Variants in NRP1 observed in about 807,000 individuals in gnomAD.
The protein encoded by NRP1 is neuropilin 1.
In NRP1, 35 loss-of-function variants were observed where a neutral mutation model predicts 106.7. The observed-to-expected ratio is 0.33, with a 90% CI of 0.25 to 0.43. The LOEUF (loss-of-function observed/expected upper bound fraction) is 0.43. Ranked by LOEUF, NRP1 falls within the 20% of genes least tolerant of loss-of-function variation. The probability of loss-of-function intolerance (pLI) is 1.00; values close to 1 mark genes in which losing one functional copy is unlikely to be tolerated. For synonymous variants in NRP1, 437 were observed against 417.9 expected (o/e 1.05, Z -0.56); for missense variants, 1,024 against 1,170.4 (o/e 0.87, Z 1.83).
intron 9 of NRP1, among the ~76,000 whole-genome samples, chr10:33,209,121 G>C (rs556766094): frequency 1.3e-5 from 2 of 152,076 alleles, no homozygotes; most frequent in African/African-American, 2.4e-5. Flanking sequence ...TGGCCAGGCT[G>C]GTCTTGAACT....
chr10:33,182,722 G>T lies in NRP1; in HGVS notation c.2458C>A (p.Pro820Thr), dbSNP rs756401925. Residue 820 changes from proline to threonine, a missense_variant, in exon 16 of 17, where the codon CCA becomes ACA. Transcript: ENST00000374867. Reference sequence around the variant, plus strand: ...CCTGTTTCATCAATTTTAATTTCTGGGTTCTTTTTATCCAGGTCTGCTGGT... The same window carrying T: ...CCTGTTTCATCAATTTTAATTTCTGTGTTCTTTTTATCCAGGTCTGCTGGT... ...AKPADLDKKN[P>T]EIKIDETGST... is the part of the protein sequence containing the mutation. 3.7e-6 allele frequency: 6 copies of T among 1,612,562 alleles called. No homozygotes were observed. Among genetic ancestry groups the T allele is most frequent in the Non-Finnish European group, 4.2e-6 (5 of 1,179,574 alleles).
At position 33,180,152 on chromosome 10, in the gene NRP1, T is replaced by C. The variant is rs769226149; in HGVS notation, c.2696A>G (p.Tyr899Cys). The C allele has an allele frequency of 1.9e-5, 30 of 1,614,070 alleles. No homozygotes were observed. Among genetic ancestry groups the C allele is most frequent in the Non-Finnish European group, 2.5e-5 (29 of 1,180,048 alleles). The change falls in exon 17 of 17, where the codon TAT (tyrosine) becomes TGT (cysteine). Residue 899 changes from tyrosine to cysteine, a missense_variant. Tyr to Cys is a radical substitution (Grantham distance 194). Around this residue, in one of 5 missense-constraint regions of NRP1, gnomAD observed 164 missense variants for 161.4 expected, o/e 1.02. Transcript: ENST00000374867. ...SERNLSALEN[Y>C]NFELVDGVKL... ...CACACCATCCACAAGTTCAAAGTTA[T>C]AGTTCTCCAGGGCAGACAAGTTTCT... is the stretch of plus-strand genomic sequence containing the variant.
chr10:33,327,486 C>T (rs117969382), intron 2 of NRP1, among the ~76,000 whole-genome samples: 3 of 152,278 alleles, frequency 2.0e-5, no homozygotes, highest in South Asian at 2.1e-4. Context: ...AGCTCACCAG[C>T]TTTCAGAATG....
At chr10:33,204,661 A>T (rs1166260487) in intron 10 of NRP1, among the ~76,000 whole-genome samples, 1 of 152,158 alleles carries the variant, frequency 6.6e-6, no homozygotes, top group Non-Finnish European at 1.5e-5. Flanking sequence ...GGAAAAAAAA[A>T]GGAGGAAGCA....
At chr10:33,181,722 A>T (rs1295665105) in intron 16 of NRP1, among the ~76,000 whole-genome samples, 1 of 152,224 alleles carries the variant, frequency 6.6e-6, no homozygotes, top group African/African-American at 2.4e-5. Flanking sequence ...CCACCTAATT[A>T]GCTATGCTAC....
Position 33,334,505 on chromosome 10 carries a change from G to T in NRP1, c.-123C>A. The T allele has an allele frequency of 1.3e-6, 1 of 797,262 alleles. No individual in the cohort carries two copies. Among genetic ancestry groups the T allele is most frequent in the Non-Finnish European group, 2.0e-6 (1 of 508,872 alleles). The allele number at this position is 797,262 out of a possible 1,614,324, so 49.4% of individuals were successfully genotyped here. ...TCCGCCTAGAGCTGTACAATCCTCA[G>T]CCCGTCTTGGAGAAAAGAAAGCAGC... On this transcript the variant is annotated 5_prime_UTR_variant, in exon 1 of 17. In the 5' UTR this introduces an upstream ATG that the reference lacks. Transcript: ENST00000374867.
intron 11 of NRP1, among the ~76,000 whole-genome samples, chr10:33,200,329 C>A (rs1209329993): frequency 2.0e-5 from 3 of 152,152 alleles, no homozygotes; most frequent in African/African-American, 7.2e-5. Context: ...AAGGCATTTG[C>A]AAATGAGTAA....
intron 2 of NRP1, among the ~76,000 whole-genome samples, chr10:33,330,349 A>G (rs531780859): frequency 2.8e-4 from 43 of 152,124 alleles, no homozygotes; most frequent in African/African-American, 1.0e-3. Context: ...GTATTTCGTA[A>G]AAATACAAGT....
chr10:33,195,321 C>A (rs912978104), intron 12 of NRP1: 2 of 355,096 alleles, frequency 5.6e-6, no homozygotes, highest in Admixed American at 3.7e-5. Flanking sequence ...AGGGTTAGAG[C>A]TCTCGCCAGA....
At chr10:33,225,160 A>G (rs1229234459) in intron 7 of NRP1, among the ~76,000 whole-genome samples, 2 of 152,156 alleles carry the variant, frequency 1.3e-5, no homozygotes, top group East Asian at 1.9e-4. Context: ...ACAGCTGTCT[A>G]TCTGTAGCTG....
chr10:33,209,286 A>G (rs1266740615), intron 9 of NRP1, among the ~76,000 whole-genome samples: 6 of 152,206 alleles, frequency 3.9e-5, no homozygotes, highest in Non-Finnish European at 5.9e-5. Context: ...TCCATGAGGT[A>G]AATTCTGTAT....
chr10:33,265,761 C>T (rs1019513346), intron 3 of NRP1, among the ~76,000 whole-genome samples: 4 of 152,178 alleles, frequency 2.6e-5, no homozygotes, highest in Non-Finnish European at 5.9e-5. Flanking sequence ...GCTGCAAATG[C>T]TTATCTATTT....
chr10:33,217,719 T>C (rs2132856933), intron 8 of NRP1, among the ~76,000 whole-genome samples: 1 of 152,332 alleles, frequency 6.6e-6, no homozygotes, highest in East Asian at 1.9e-4. Context: ...TTATGTCTTG[T>C]TTGTCTGCGT....
chr10:33,202,258 T>C (rs2474720), intron 11 of NRP1: 68,723 of 156,752 alleles, frequency 0.44, 15,527 homozygotes, highest in East Asian at 0.74. Flanking sequence ...GAGAAGGTCA[T>C]TTCCTAGCTT....
Position 33,249,664 on chromosome 10 carries a change from C to G in NRP1, c.981+4364G>C, listed in dbSNP as rs1841705630. On this transcript the variant is annotated intron_variant, in intron 6 of 16. Coordinates refer to ENST00000374867, the MANE Select transcript of NRP1 (RefSeq NM_003873.7). Reference sequence around the variant, plus strand: ...AATCTGGAAAAAAAGGCAGGGCAGGCAAATTTCATAGTGTGATTAACTCTG... The same window carrying G: ...AATCTGGAAAAAAAGGCAGGGCAGGGAAATTTCATAGTGTGATTAACTCTG... 6 of 363,496 alleles carry G rather than the reference C, an allele frequency of 1.7e-5. 1 individual carries two copies. Among genetic ancestry groups the G allele is most frequent in the South Asian group, 1.3e-4 (6 of 45,678 alleles). The allele number at this position is 363,496 out of a possible 1,614,324, so 22.5% of individuals were successfully genotyped here. A position where few individuals can be genotyped will look rare whatever the true frequency, so the allele number is the denominator to read the frequency against.
intron 2 of NRP1, among the ~76,000 whole-genome samples, chr10:33,296,017 T>C (rs1845359735): frequency 6.6e-6 from 1 of 152,206 alleles, no homozygotes; most frequent in South Asian, 2.1e-4. Context: ...GTTTGGGTTT[T>C]GTAGTTATGT....
At chr10:33,265,182 A>T (rs1361855091) in intron 3 of NRP1, among the ~76,000 whole-genome samples, 3 of 152,180 alleles carry the variant, frequency 2.0e-5, no homozygotes, top group Non-Finnish European at 2.9e-5. Context: ...TACCAACATG[A>T]GCACATCAGC....
intron 2 of NRP1, among the ~76,000 whole-genome samples, chr10:33,312,635 A>G (rs1846688415): frequency 6.6e-6 from 1 of 152,234 alleles, no homozygotes; most frequent in Non-Finnish European, 1.5e-5. Flanking sequence ...CTGTTGATAG[A>G]CCACAATTTC....
At chr10:33,229,911 C>A (rs958024594) in intron 6 of NRP1, among the ~76,000 whole-genome samples, 14 of 152,078 alleles carry the variant, frequency 9.2e-5, no homozygotes, top group Non-Finnish European at 2.1e-4. Flanking sequence ...TCTGCAGATT[C>A]TCTTATTTAC....
Sources: allele counts gnomAD v4.1 joint callset (sites outside exome capture counted in the v4.1 genomes callset), GRCh38; gene constraint gnomAD v4.1.1; regional missense constraint gnomAD v4.1.1; transcripts MANE v1.5; gene names NCBI Gene and HGNC (gene_info 2026-07-23, HGNC 2026-07-21).